PREX1: variants seen among roughly 807,000 people sequenced by gnomAD.
PREX1 encodes phosphatidylinositol-3,4,5-trisphosphate dependent Rac exchange factor 1.
Under a neutral mutation model 198.3 loss-of-function variants are expected in PREX1, and 41 were observed. The ratio of observed to expected loss-of-function variants is 0.21; its 90% confidence interval spans 0.16 to 0.27. The LOEUF (loss-of-function observed/expected upper bound fraction) is 0.27, where lower values mean the gene tolerates loss of function less well. Among genes scored for constraint, PREX1 ranks in the 10% least tolerant of loss-of-function variants. The pLI is 1.00. For missense variants in PREX1, 1,620 were observed against 2,200.7 expected (o/e 0.74, Z 5.28); for synonymous variants, 843 against 887.2 (o/e 0.95, Z 0.89).
chr20:48,679,433 T>C (rs764375262), intron 12 of PREX1, 24 bp from the exon 13 acceptor site: 2 of 1,609,906 alleles, frequency 1.2e-6, no homozygotes, highest in Non-Finnish European at 1.7e-6. Context: ...GGGGAGGAAT[T>C]CTGGGATCAG....
At chr20:48,800,462 C>T (rs1479743569) in intron 1 of PREX1, among the ~76,000 whole-genome samples, 1 of 152,186 alleles carries the variant, frequency 6.6e-6, no homozygotes, top group Non-Finnish European at 1.5e-5. Context: ...ATAGTAACAG[C>T]GACAGCAGCC....
At chr20:48,654,175 C>T (rs1045535609) in intron 19 of PREX1, among the ~76,000 whole-genome samples, 3 of 152,218 alleles carry the variant, frequency 2.0e-5, no homozygotes, top group African/African-American at 7.2e-5. Flanking sequence ...GGCTGGCTTC[C>T]TCATCTGTGA....
rs2089448188 is a variant in PREX1 at position 48,645,986 on chromosome 20, G to A, written c.3377C>T (p.Ser1126Phe). ...CDASLAEEAS[S>F]LPLVSEESEM... ...GCTCTCTTCACTGACCAGGGGCAGGGAGGAGGCCTCCTCAGCCAAGGATGC... is the reference window on the plus strand; with the variant it reads ...GCTCTCTTCACTGACCAGGGGCAGGAAGGAGGCCTCCTCAGCCAAGGATGC... The change falls in exon 26 of 40, where the codon TCC becomes TTC. Residue 1126 changes from serine to phenylalanine, a missense_variant. This residue lies in a region of PREX1 where 514 missense variants were observed against 611.6 expected (regional missense o/e 0.84). Coordinates refer to ENST00000371941, the MANE Select transcript of PREX1 (RefSeq NM_020820.4). The A allele has an allele frequency of 6.2e-7, 1 of 1,614,110 alleles. No homozygotes were observed. Among genetic ancestry groups the A allele is most frequent in the Non-Finnish European group, 8.5e-7 (1 of 1,180,040 alleles).
chr20:48,792,781 C>T (rs2090343959), intron 1 of PREX1, among the ~76,000 whole-genome samples: 1 of 129,956 alleles, frequency 7.7e-6, no homozygotes, highest in South Asian at 2.4e-4. Flanking sequence ...ACACATATTA[C>T]AATGTGGAAG....
intron 39 of PREX1, among the ~76,000 whole-genome samples, chr20:48,626,190 T>C (rs1365923886): frequency 6.6e-6 from 1 of 152,182 alleles, no homozygotes; most frequent in African/African-American, 2.4e-5. Flanking sequence ...TTCAGCCATG[T>C]GGGGGTGGGG....
intron 1 of PREX1, among the ~76,000 whole-genome samples, chr20:48,820,675 T>G (rs4810881): frequency 0.28 from 41,941 of 151,920 alleles, 6,089 homozygotes; most frequent in Non-Finnish European, 0.33. Flanking sequence ...AGTGGATACC[T>G]GGAATATCTG....
At chr20:48,847,371 A>AAAAAAAAAAAAACAAAAC in the PREX1 span, among the ~76,000 whole-genome samples, 1 of 149,394 alleles carries the variant, frequency 6.7e-6, no homozygotes, top group African/African-American at 2.5e-5. Context: ...TTATAAAAAA[A>AAAAAAAAAAAAACAAAAC]AAAAAAAAAA....
At chr20:48,773,266 CA>C (rs55740822) in intron 1 of PREX1, among the ~76,000 whole-genome samples, 23,452 of 66,792 alleles carry the variant, frequency 0.35, 931 homozygotes, top group South Asian at 0.4. Flanking sequence ...GACTTGGTCT[CA>C]AAAAAAAAAA....
In PREX1 at chr20:48,666,527, A is replaced by T. The variant is rs1455635793; in HGVS notation, c.1666-172T>A. ...GGGTTTGTGATTATTATTTTTTATT[A>T]TTATTATTATTTTTTTGAGACAGAG... On this transcript the variant is annotated intron_variant, in intron 14 of 39. Coordinates refer to ENST00000371941, the MANE Select transcript of PREX1 (RefSeq NM_020820.4). The surrounding 1 kb of genome is among the most constrained non-coding windows in gnomAD (Gnocchi z 4.3). Among the ~76,000 whole-genome samples the T allele has an allele frequency of 8.5e-6, 1 of 117,288 alleles. No individual in the cohort carries two copies. Among genetic ancestry groups the T allele is most frequent in the African/African-American group, 3.4e-5 (1 of 28,988 alleles). The allele number at this position is 117,288 out of a possible 152,430, so 76.9% of individuals were successfully genotyped here. A position where few individuals can be genotyped will look rare whatever the true frequency, so the allele number is the denominator to read the frequency against.
At position 48,771,738 on chromosome 20, in the gene PREX1, T is replaced by C. The variant is rs78582716; in HGVS notation, c.220-23858A>G. On this transcript the variant is annotated intron_variant, in intron 1 of 39. Transcript: ENST00000371941. Reference sequence around the variant, plus strand: ...GGCCCAGCTGATGCTCATTAAGAATTCCTTCATGCCGGACACGGTTCCAAG... The same window carrying C: ...GGCCCAGCTGATGCTCATTAAGAATCCCTTCATGCCGGACACGGTTCCAAG... Among the ~76,000 whole-genome samples the C allele has an allele frequency of 2.4e-3, 365 of 152,332 alleles. 3 individuals are homozygous for C. Among genetic ancestry groups the C allele is most frequent in the African/African-American group, 8.4e-3 (350 of 41,586 alleles).
Position 48,651,575 on chromosome 20 carries a change from G to A in PREX1, c.2476C>T (p.Leu826=). 1 of 1,613,144 alleles carries A rather than the reference G, an allele frequency of 6.2e-7. No homozygotes were observed. Among genetic ancestry groups the A allele is most frequent in the Non-Finnish European group, 8.5e-7 (1 of 1,179,528 alleles). The change falls in exon 22 of 40, where the codon CTG becomes TTG. Residue 826 remains leucine (L), a synonymous_variant. Transcript: ENST00000371941. ...EEDQADSAFP[L]LSLGPRLSLC... ...CTCAGCCGGGGACCCAGGGACAGCA[G>A]TGGGAAGGCTGGAAGCCAAAAGAGG...
rs767554428 is a variant in PREX1 at position 48,679,767 on chromosome 20, G to C, written c.1436-13C>G. ...TGCTTGTCGGAAACTGGAGAGACAG[G>C]AGGACCTGTGACGCTGGGCACGCCC... On this transcript the variant is annotated splice_polypyrimidine_tract_variant and intron_variant, in intron 11 of 39. Transcript: ENST00000371941. 1 of 1,595,276 alleles carries C rather than the reference G, an allele frequency of 6.3e-7. No individual in the cohort carries two copies. The highest frequency in any genetic ancestry group is 8.6e-7 in the Non-Finnish European group (1 of 1,162,896).
At chr20:48,635,073 A>T (rs1359747727) in intron 32 of PREX1, among the ~76,000 whole-genome samples, 1 of 152,178 alleles carries the variant, frequency 6.6e-6, no homozygotes, top group Non-Finnish European at 1.5e-5. Flanking sequence ...TTTTGAGCCT[A>T]ACACACTCAA....
chr20:48,660,669 T>C (rs2089583998), intron 15 of PREX1, among the ~76,000 whole-genome samples: 1 of 151,898 alleles, frequency 6.6e-6, no homozygotes, highest in East Asian at 1.9e-4. Context: ...AGGACCTCCA[T>C]TCGATAACAA....
At chr20:48,655,030 A>G (rs2089531685) in intron 19 of PREX1, among the ~76,000 whole-genome samples, 1 of 152,248 alleles carries the variant, frequency 6.6e-6, no homozygotes, top group African/African-American at 2.4e-5. Context: ...TGCTCCTTCC[A>G]GAGTGAACAT....
At chr20:48,704,179 T>C (rs1444677369) in intron 6 of PREX1, among the ~76,000 whole-genome samples, 1 of 152,184 alleles carries the variant, frequency 6.6e-6, no homozygotes, top group Admixed American at 6.5e-5. Context: ...GTCACATAGG[T>C]GGTAAGGCAG....
At chr20:48,736,464 T>C (rs995591456) in intron 3 of PREX1, among the ~76,000 whole-genome samples, 4 of 152,210 alleles carry the variant, frequency 2.6e-5, no homozygotes, top group African/African-American at 9.7e-5. Flanking sequence ...ATCAAGTATC[T>C]GCAGTCCACT....
Position 48,679,379 on chromosome 20 carries a change from G to A in PREX1, c.1570C>T (p.Leu524Phe). The change falls in exon 13 of 40, where the codon CTC (leucine) becomes TTC (phenylalanine). Residue 524 changes from leucine (L) to phenylalanine (F), a missense_variant. Physicochemically the swap from Leu to Phe is conservative, Grantham distance 22 (BLOSUM62 0). Coordinates refer to ENST00000371941, the MANE Select transcript of PREX1 (RefSeq NM_020820.4). ...GVRLYCRLHS[L>F]YTPVIKDRDY... ...ACTTACTTGATCACCGGGGTGTAGA[G>A]GCTGTGAAGACGGCAGTAAAGCCTC... is the stretch of plus-strand genomic sequence containing the variant. The A allele has an allele frequency of 6.2e-7, 1 of 1,613,572 alleles. No homozygotes were observed. Among genetic ancestry groups the A allele is most frequent in the Non-Finnish European group, 8.5e-7 (1 of 1,179,568 alleles).
At chr20:48,634,525 GT>G in intron 33 of PREX1, 150 bp downstream of exon 33, 1 of 625,010 alleles carries the variant, frequency 1.6e-6, no homozygotes, top group Non-Finnish European at 2.7e-6. Context: ...TCACACTCAT[GT>G]TGGAGGCATG....
Sources: allele counts gnomAD v4.1 joint callset (sites outside exome capture counted in the v4.1 genomes callset), GRCh38; gene constraint gnomAD v4.1.1; regional missense constraint gnomAD v4.1.1; non-coding constraint Gnocchi (gnomAD v3.1); transcripts MANE v1.5; gene names NCBI Gene and HGNC (gene_info 2026-07-23, HGNC 2026-07-21).